Variants in IL2RB observed in about 807,000 individuals in gnomAD.
The protein encoded by IL2RB is interleukin-2 receptor subunit beta.
In IL2RB, 17 loss-of-function variants were observed where a neutral mutation model predicts 44.2. The observed-to-expected ratio is 0.38, with a 90% CI of 0.26 to 0.58. The LOEUF (loss-of-function observed/expected upper bound fraction) is 0.58. Among genes scored for constraint, IL2RB ranks in the 20% least tolerant of loss-of-function variants. The pLI, the probability that IL2RB is intolerant of heterozygous loss-of-function variation, is 0.63. For missense variants in IL2RB, 624 were observed against 685.5 expected, an observed-to-expected ratio of 0.91 and a Z score of 1.00; for synonymous variants, 286 against 297.9, an observed-to-expected ratio of 0.96 and a Z score of 0.41.
intron 6 of IL2RB, 139 bp from the exon 7 acceptor site, chr22:37,136,532 G>A (rs1921714243): frequency 1.1e-6 from 1 of 876,298 alleles, no homozygotes; most frequent in Non-Finnish European, 1.7e-6. Context: ...TCACTACCCA[G>A]TTGCTGGGGC....
upstream of IL2RB, among the ~76,000 whole-genome samples, chr22:37,153,468 G>A (rs1922569333): frequency 6.6e-6 from 1 of 152,212 alleles, no homozygotes; most frequent in African/African-American, 2.4e-5. Flanking sequence ...CAAATGAAGG[G>A]AGAACTGGAC....
chr22:37,171,447 T>C (rs149293485), intron 1 of IL2RB, among the ~76,000 whole-genome samples: 146 of 152,064 alleles, frequency 9.6e-4, no homozygotes, highest in African/African-American at 3.3e-3. Context: ...ACATAAGGAC[T>C]AAGTAAGTTT....
In IL2RB at chr22:37,172,476, C is replaced by G. The variant is rs139760516; in HGVS notation, c.-34+2482G>C. Among the ~76,000 whole-genome samples the G allele has an allele frequency of 5.5e-3, 829 of 151,900 alleles. 12 individuals carry two copies. The highest frequency in any genetic ancestry group is 0.024 in the Middle Eastern group (7 of 294). On this transcript the variant is annotated intron_variant, in intron 1 of 5. Coordinates refer to the IL2RB transcript ENST00000429622. The stretch of plus-strand genomic sequence containing the variant: ...GAGCCGTCAACCATCCAATAGGGCC[C>G]AGAATGAGGTAGAGAGATGAGCCCA...
At chr22:37,131,190 A>G (rs1921405657) in intron 9 of IL2RB, among the ~76,000 whole-genome samples, 1 of 152,086 alleles carries the variant, frequency 6.6e-6, no homozygotes, top group Non-Finnish European at 1.5e-5. Context: ...ATAAATAAAT[A>G]AATAAAAGCA....
intron 1 of IL2RB, among the ~76,000 whole-genome samples, chr22:37,164,181 C>T (rs1662878335): frequency 1.3e-5 from 2 of 152,296 alleles, no homozygotes; most frequent in African/African-American, 2.4e-5. Context: ...GCGCTCCCTG[C>T]CCCTCAGCCC....
chr22:37,126,947 G>T lies in IL2RB; in HGVS notation c.*1149C>A, dbSNP rs2146221330. 6.6e-6 allele frequency: 1 copy of T among 152,322 alleles called. No individual in the cohort carries two copies. Among genetic ancestry groups the T allele is most frequent in the South Asian group, 2.1e-4 (1 of 4,830 alleles). The allele number at this position is 152,322 out of a possible 1,614,324, so 9.4% of individuals were successfully genotyped here. On this transcript the variant is annotated 3_prime_UTR_variant, in exon 10 of 10. Coordinates refer to ENST00000216223, the MANE Select transcript of IL2RB (RefSeq NM_000878.5). The stretch of plus-strand genomic sequence containing the variant: ...CGGGGTGTTGGGCACTGTGTCTGGG[G>T]CAGTGAAAAATAATGAGGCCCTGCC...
At position 37,128,019 on chromosome 22, in the gene IL2RB, C is replaced by G. The variant is rs538764608; in HGVS notation, c.*77G>C. The G allele has an allele frequency of 1.2e-3, 1,470 of 1,266,312 alleles. 2 individuals carry two copies. Among genetic ancestry groups the G allele is most frequent in the Non-Finnish European group, 1.5e-3 (1,424 of 956,982 alleles). The allele number at this position is 1,266,312 out of a possible 1,614,324, so 78.4% of individuals were successfully genotyped here. A position where few individuals can be genotyped will look rare whatever the true frequency, so the allele number is the denominator to read the frequency against. On this transcript the variant is annotated 3_prime_UTR_variant, in exon 10 of 10. Coordinates refer to ENST00000216223, the MANE Select transcript of IL2RB (RefSeq NM_000878.5). This position sits in a 1 kb window ranked among gnomAD's most constrained non-coding sequence, Gnocchi z 4.5. ...GACACTGAGTGTCCTCAGCAGTGGA[C>G]TGAGGACCCTCAACAGGGTCCTTCT...
intron 1 of IL2RB, among the ~76,000 whole-genome samples, chr22:37,158,424 G>C (rs1421477938): frequency 1.3e-5 from 2 of 152,196 alleles, no homozygotes; most frequent in Non-Finnish European, 2.9e-5. Context: ...GGGCGTGGTG[G>C]TGGGCACCCC....
intron 1 of IL2RB, among the ~76,000 whole-genome samples, chr22:37,167,435 A>G (rs368931359): frequency 1.3e-5 from 2 of 152,012 alleles, no homozygotes; most frequent in Non-Finnish European, 2.9e-5. Context: ...ACCCCACCCA[A>G]CATTTCCTGC....
intron 1 of IL2RB, among the ~76,000 whole-genome samples, chr22:37,161,458 C>T (rs1293082423): frequency 3.3e-5 from 5 of 152,172 alleles, no homozygotes; most frequent in African/African-American, 1.2e-4. Flanking sequence ...GCTTTTCCAG[C>T]CTCCCTTGCA....
chr22:37,142,796 G>A (rs1002775781), intron 3 of IL2RB: 1 of 567,252 alleles, frequency 1.8e-6, no homozygotes, highest in Non-Finnish European at 3.3e-6. Flanking sequence ...TCCCCACCTA[G>A]AGCCCTCCAA....
chr22:37,142,510 C>A lies in IL2RB; in HGVS notation c.206G>T (p.Arg69Leu). 1.2e-6 allele frequency: 2 copies of A among 1,614,098 alleles called. No homozygotes were observed. Among genetic ancestry groups the A allele is most frequent in the South Asian group, 1.1e-5 (1 of 91,078 alleles). The change falls in exon 4 of 10, where the codon CGG (arginine) becomes CTG (leucine). Residue 69 changes from arginine to leucine, a missense_variant and splice_region_variant. Transcript: ENST00000216223. Reference sequence around the variant, plus strand: ...GAGCAGCTCACAGGTTTGGTTCCACCGCCTTTCATGGCAAAAGACCCTCTT... The same window carrying A: ...GAGCAGCTCACAGGTTTGGTTCCACAGCCTTTCATGGCAAAAGACCCTCTT... Reference protein sequence around the residue: ...CQVHAWPDRRRWNQTCELLPV... With the variant: ...CQVHAWPDRRLWNQTCELLPV...
chr22:37,144,121 G>A lies in IL2RB; in HGVS notation c.52C>T (p.Pro18Ser), dbSNP rs1001259966. ...GCAGATGCCCAAGAGGTAGCCAGGG[G>A]CAGGAGGAGGATGAGGAGGGGCAGA... ...WRLPLLILLL[P>S]LATSWASAAV... The change falls in exon 2 of 10, where the codon CCC becomes TCC. Residue 18 changes from proline to serine, a missense_variant. Pro to Ser is a moderately conservative substitution (Grantham distance 74). Transcript: ENST00000216223. The A allele has an allele frequency of 2.6e-6, 4 of 1,552,342 alleles. No homozygotes were observed. The highest frequency in any genetic ancestry group is 1.4e-5 in the African/African-American group (1 of 73,136).
chr22:37,136,198 C>T (rs1449868198), intron 7 of IL2RB, 30 bp downstream of exon 7: 8 of 1,589,994 alleles, frequency 5.0e-6, no homozygotes, highest in East Asian at 2.3e-5. Context: ...CCTGCCTGAG[C>T]CCCCTCTCAC....
chr22:37,173,288 CTG>C (rs1923348019), intron 1 of IL2RB, among the ~76,000 whole-genome samples: 1 of 152,190 alleles, frequency 6.6e-6, no homozygotes, highest in Non-Finnish European at 1.5e-5. Flanking sequence ...CCTGCTGTGA[CTG>C]TGTAATGTCT....
rs1569044166 is a variant in IL2RB, at chr22:37,137,853, C to T, written c.389-118G>A. Reference sequence around the variant, plus strand: ...ACCTCCCCTACCCCCCGACCCAAAGCCCCAGGACCCGCTCCCTCACTGCCT... The same window carrying T: ...ACCTCCCCTACCCCCCGACCCAAAGTCCCAGGACCCGCTCCCTCACTGCCT... On this transcript the variant is annotated intron_variant, in intron 5 of 9. Coordinates refer to ENST00000216223, the MANE Select transcript of IL2RB (RefSeq NM_000878.5). 10 of 853,332 alleles carry T rather than the reference C, an allele frequency of 1.2e-5. No homozygotes were observed. The Admixed American group carries it at 1.6e-4, about 14-fold the overall frequency. 52.9% of individuals were successfully genotyped at this position (853,332 alleles called of 1,614,324 possible).
intron 1 of IL2RB, among the ~76,000 whole-genome samples, chr22:37,170,637 G>C (rs1412913133): frequency 6.6e-6 from 1 of 152,158 alleles, no homozygotes; most frequent in Admixed American, 6.5e-5. Context: ...TCCCAAGGGT[G>C]CCACATTTGG....
chr22:37,165,797 G>A (rs981550130), intron 1 of IL2RB, among the ~76,000 whole-genome samples: 2 of 152,200 alleles, frequency 1.3e-5, no homozygotes, highest in East Asian at 1.9e-4. Flanking sequence ...GGACAGAGGC[G>A]GGGAGGACAC....
intron 1 of IL2RB, among the ~76,000 whole-genome samples, chr22:37,173,527 A>G (rs1383639540): frequency 6.6e-6 from 1 of 152,230 alleles, no homozygotes; most frequent in Non-Finnish European, 1.5e-5. Context: ...TGTCTACCTT[A>G]AAATAATTTT....
Sources: allele counts gnomAD v4.1 joint callset (sites outside exome capture counted in the v4.1 genomes callset), GRCh38; gene constraint gnomAD v4.1.1; non-coding constraint Gnocchi (gnomAD v3.1); transcripts MANE v1.5; gene names NCBI Gene and HGNC (gene_info 2026-07-23, HGNC 2026-07-21).